The following KAZN variants were observed in gnomAD, a reference collection of about 807,000 sequenced individuals.
The protein encoded by KAZN is kazrin, periplakin interacting protein.
Under a neutral mutation model 87.4 loss-of-function variants are expected in KAZN, and 40 were observed. The ratio of observed to expected loss-of-function variants is 0.46; its 90% CI spans 0.36 to 0.60. The LOEUF is 0.60. Ranked by LOEUF, KAZN falls within the 20% of genes least tolerant of loss-of-function variation. The pLI, the probability that KAZN is intolerant of heterozygous loss-of-function variation, is 0.00. For missense variants in KAZN, 898 were observed against 1,073.9 expected (o/e 0.84, Z 2.29); for synonymous variants, 466 against 458.3 (o/e 1.02, Z -0.22).
intron 2 of KAZN, among the ~76,000 whole-genome samples, chr1:14,285,962 G>A (rs757607366): frequency 2.6e-5 from 4 of 152,156 alleles, no homozygotes; most frequent in South Asian, 2.1e-4. Flanking sequence ...GACTAAAGAC[G>A]CCATATCAAG....
intron 2 of KAZN, among the ~76,000 whole-genome samples, chr1:14,285,094 C>T (rs1653134368): frequency 6.6e-6 from 1 of 152,210 alleles, no homozygotes; most frequent in Non-Finnish European, 1.5e-5. Flanking sequence ...TCTAAATCCA[C>T]CACTGATTAC....
chr1:14,585,889 T>C (rs1675822919), intron 2 of KAZN, among the ~76,000 whole-genome samples: 1 of 152,146 alleles, frequency 6.6e-6, no homozygotes, highest in Non-Finnish European at 1.5e-5. Context: ...CTGTTAGAAT[T>C]ACAGCAGAGT....
At chr1:15,040,919 T>C (rs1429268388) in intron 3 of KAZN, among the ~76,000 whole-genome samples, 1 of 152,036 alleles carries the variant, frequency 6.6e-6, no homozygotes, top group Non-Finnish European at 1.5e-5. Flanking sequence ...CTCACCACTG[T>C]CACCTCCCCA....
intron 2 of KAZN, among the ~76,000 whole-genome samples, chr1:14,480,301 A>G (rs1668999513): frequency 6.6e-6 from 1 of 152,208 alleles, no homozygotes; most frequent in Non-Finnish European, 1.5e-5. Context: ...GCTACAGCCA[A>G]CAACAACAAA....
intron 3 of KAZN, 131 bp downstream of exon 3, chr1:15,035,016 G>C: frequency 8.9e-7 from 1 of 1,121,754 alleles, no homozygotes; most frequent in Non-Finnish European, 1.3e-6. Flanking sequence ...GATGTGTCCA[G>C]CCAGGCCTAG....
chr1:13,929,522 C>G (rs936031298), intron 1 of KAZN, among the ~76,000 whole-genome samples: 9 of 152,274 alleles, frequency 5.9e-5, no homozygotes, highest in Admixed American at 1.3e-4. Flanking sequence ...TTTGGTGATG[C>G]TCACATCAAT....
At chr1:14,342,293 A>G (rs1657790185) in intron 2 of KAZN, among the ~76,000 whole-genome samples, 1 of 152,196 alleles carries the variant, frequency 6.6e-6, no homozygotes, top group Admixed American at 6.5e-5. Context: ...GCTGCAATGA[A>G]CATACATGTA....
chr1:14,823,833 G>T (rs1243857110), intron 1 of KAZN, among the ~76,000 whole-genome samples: 3 of 152,192 alleles, frequency 2.0e-5, no homozygotes, highest in Non-Finnish European at 4.4e-5. Flanking sequence ...GAATGAGTGG[G>T]CCCGGCGTGG....
chr1:14,616,177 A>G (rs1678222479), intron 1 of KAZN, among the ~76,000 whole-genome samples: 1 of 152,198 alleles, frequency 6.6e-6, no homozygotes, highest in Non-Finnish European at 1.5e-5. Flanking sequence ...AGCGCAAGTG[A>G]GTCTGCTGAG....
At chr1:14,721,809 A>T (rs1056429262) in intron 1 of KAZN, among the ~76,000 whole-genome samples, 1 of 152,186 alleles carries the variant, frequency 6.6e-6, no homozygotes, top group Admixed American at 6.5e-5. Context: ...TTTGAACTGG[A>T]TAAATAAGTA....
At position 14,377,756 on chromosome 1, in the gene KAZN, C is replaced by A. The variant is rs6688939; in HGVS notation, c.249+197164C>A. ...GAGGTCCCAGGCATATAGTGATGACCTACCTTGTTTGGTTCAAGTCAGCAT... is the reference window on the plus strand; with the variant it reads ...GAGGTCCCAGGCATATAGTGATGACATACCTTGTTTGGTTCAAGTCAGCAT... On this transcript the variant is annotated intron_variant, in intron 2 of 16. Coordinates refer to the KAZN transcript ENST00000636203. 2.5e-3 allele frequency among the ~76,000 whole-genome samples: 374 copies of A among 152,290 alleles called. 1 individual carries two copies. Among genetic ancestry groups the A allele is most frequent in the African/African-American group, 8.4e-3 (349 of 41,544 alleles).
intron 2 of KAZN, among the ~76,000 whole-genome samples, chr1:14,569,720 A>G (rs1286365972): frequency 6.6e-6 from 1 of 151,990 alleles, no homozygotes; most frequent in Admixed American, 6.6e-5. Flanking sequence ...ACACCTGGAA[A>G]CCTCTCATCA....
At chr1:15,067,914 T>C in intron 8 of KAZN, 1 of 880,028 alleles carries the variant, frequency 1.1e-6, no homozygotes, top group Non-Finnish European at 1.4e-6. Flanking sequence ...GAAAATAAGA[T>C]TGCAACCACT....
chr1:14,888,555 C>T (rs746247090), intron 1 of KAZN, among the ~76,000 whole-genome samples: 55 of 151,774 alleles, frequency 3.6e-4, no homozygotes, highest in Non-Finnish European at 4.9e-4. Context: ...TAGCTTTTTG[C>T]GTGACTATTA....
intron 1 of KAZN, among the ~76,000 whole-genome samples, chr1:14,718,113 C>G (rs1027620579): frequency 6.6e-6 from 1 of 152,208 alleles, no homozygotes; most frequent in African/African-American, 2.4e-5. Context: ...GCAAATTACC[C>G]CCAGGGAGTC....
intron 1 of KAZN, among the ~76,000 whole-genome samples, chr1:13,946,463 G>A (rs1479425987): frequency 6.6e-6 from 1 of 151,960 alleles, no homozygotes; most frequent in Non-Finnish European, 1.5e-5. Context: ...AGAATCAAGA[G>A]CACAGAAGTC....
intron 1 of KAZN, among the ~76,000 whole-genome samples, chr1:14,120,248 C>G (rs1644721780): frequency 6.6e-6 from 1 of 151,948 alleles, no homozygotes; most frequent in Non-Finnish European, 1.5e-5. Flanking sequence ...GGAACGGCAT[C>G]TCACATGGGC....
intron 2 of KAZN, among the ~76,000 whole-genome samples, chr1:14,973,533 A>AT (rs928703798): frequency 8.6e-5 from 13 of 151,432 alleles, no homozygotes; most frequent in African/African-American, 9.7e-5. Flanking sequence ...TGAACATTTG[A>AT]TTTTTTTTTA....
intron 1 of KAZN, among the ~76,000 whole-genome samples, chr1:14,607,326 G>T (rs1186446429): frequency 1.3e-5 from 2 of 152,150 alleles, no homozygotes; most frequent in African/African-American, 4.8e-5. Context: ...GCACACAAAG[G>T]TCACATGACT....
Sources: gnomAD v4.1 joint callset for allele counts (sites outside exome capture counted in the v4.1 genomes callset) on GRCh38, gnomAD v4.1.1 for gene constraint, MANE v1.5 for transcripts, NCBI Gene and HGNC (gene_info 2026-07-23, HGNC 2026-07-21) for gene names.